The following NKAIN2 variants were observed in gnomAD, a reference collection of about 807,000 sequenced individuals.
NKAIN2 encodes the protein sodium/potassium transporting ATPase interacting 2, also known as sodium/potassium-transporting ATPase subunit beta-1-interacting protein 2.
Under a neutral mutation model 32.6 loss-of-function variants are expected in NKAIN2, and 14 were observed. That is an observed-to-expected ratio of 0.43 (90% CI 0.28 to 0.67). The LOEUF is 0.67. Among genes scored for constraint, NKAIN2 ranks in the 30% least tolerant of loss-of-function variants. The pLI is 0.17. For missense variants in NKAIN2, 198 were observed against 258.3 expected, an observed-to-expected ratio of 0.77 and a Z score of 1.60; for synonymous variants, 80 against 87.2, an observed-to-expected ratio of 0.92 and a Z score of 0.46.
chr6:123,987,187 A>C (rs1779179320), intron 1 of NKAIN2, among the ~76,000 whole-genome samples: 1 of 152,174 alleles, frequency 6.6e-6, no homozygotes, highest in African/African-American at 2.4e-5. Context: ...AGTCTCTTTC[A>C]TATCTAATTT....
At chr6:124,193,944 G>C (rs959994007) in intron 1 of NKAIN2, among the ~76,000 whole-genome samples, 1 of 152,014 alleles carries the variant, frequency 6.6e-6, no homozygotes, top group Non-Finnish European at 1.5e-5. Flanking sequence ...CTCCACAGCT[G>C]GTTGTGTCAT....
chr6:124,466,347 A>G (rs62437479), intron 3 of NKAIN2, among the ~76,000 whole-genome samples: 8,044 of 152,238 alleles, frequency 0.053, 291 homozygotes, highest in Non-Finnish European at 0.065. Context: ...TACTTTTAGC[A>G]TGCAGTCATA....
At chr6:124,155,741 C>A (rs1787952525) in intron 1 of NKAIN2, among the ~76,000 whole-genome samples, 1 of 151,568 alleles carries the variant, frequency 6.6e-6, no homozygotes, top group Admixed American at 6.6e-5. Flanking sequence ...ATTTGGGGAA[C>A]TGACACATGA....
intron 5 of NKAIN2, among the ~76,000 whole-genome samples, chr6:124,797,046 C>T (rs902384474): frequency 3.3e-5 from 5 of 151,874 alleles, no homozygotes; most frequent in Non-Finnish European, 5.9e-5. Context: ...TTCCCCACTG[C>T]AGTTGGATGT....
intron 2 of NKAIN2, among the ~76,000 whole-genome samples, chr6:124,319,734 C>A (rs953312181): frequency 2.0e-5 from 3 of 151,928 alleles, no homozygotes; most frequent in African/African-American, 7.3e-5. Context: ...TTGAATTTGT[C>A]CCCTCAATCT....
chr6:124,207,224 T>C (rs1038791838), intron 1 of NKAIN2, among the ~76,000 whole-genome samples: 4 of 151,322 alleles, frequency 2.6e-5, no homozygotes, highest in Admixed American at 6.6e-5. Context: ...CCCAGTAGTT[T>C]GATGCTACAG....
In NKAIN2 at chr6:124,787,384, G is replaced by A. The variant is rs949336668; in HGVS notation, c.475-3955G>A. The stretch of plus-strand genomic sequence containing the variant: ...TAAGCAGGCAGTACTGCCATGTAAA[G>A]CTTTATATCCAGCTTAGCAACTCAG... On this transcript the variant is annotated intron_variant, in intron 4 of 6. Coordinates refer to ENST00000368417, the MANE Select transcript of NKAIN2 (RefSeq NM_001040214.3). Among the ~76,000 whole-genome samples the A allele has an allele frequency of 2.0e-5, 3 of 152,064 alleles. No individual in the cohort carries two copies. In the East Asian group the frequency reaches 5.8e-4, roughly 29 times the overall value.
intron 1 of NKAIN2, among the ~76,000 whole-genome samples, chr6:123,811,756 T>C (rs1441140777): frequency 6.6e-6 from 1 of 152,146 alleles, no homozygotes; most frequent in South Asian, 2.1e-4. Flanking sequence ...GGGAAGTTTA[T>C]GGCCAATGGC....
intron 3 of NKAIN2, among the ~76,000 whole-genome samples, chr6:124,575,618 C>T (rs1781301277): frequency 1.3e-5 from 2 of 152,180 alleles, no homozygotes; most frequent in Admixed American, 6.5e-5. Flanking sequence ...CATTTTCAGT[C>T]TTGTGCCACC....
At chr6:124,017,920 G>A (rs548092948) in intron 1 of NKAIN2, among the ~76,000 whole-genome samples, 9 of 152,276 alleles carry the variant, frequency 5.9e-5, no homozygotes, top group Admixed American at 2.0e-4. Context: ...ACTAGTCAGT[G>A]CCCCAGTGGG....
intron 1 of NKAIN2, among the ~76,000 whole-genome samples, chr6:124,267,045 C>A (rs1407946444): frequency 2.6e-5 from 4 of 151,700 alleles, no homozygotes; most frequent in Non-Finnish European, 2.9e-5. Flanking sequence ...ACTTTCAACT[C>A]TGGCAAAATA....
intron 1 of NKAIN2, among the ~76,000 whole-genome samples, chr6:123,907,697 C>T (rs1774956235): frequency 6.6e-6 from 1 of 152,056 alleles, no homozygotes; most frequent in South Asian, 2.1e-4. Context: ...CCCACTGCTG[C>T]CCCAGCCCAA....
intron 3 of NKAIN2, among the ~76,000 whole-genome samples, chr6:124,429,232 G>A (rs1000080568): frequency 1.3e-5 from 2 of 150,340 alleles, no homozygotes; most frequent in African/African-American, 4.9e-5. Flanking sequence ...ATTTTTAGTA[G>A]AGACGAGGTT....
intron 3 of NKAIN2, among the ~76,000 whole-genome samples, chr6:124,527,171 A>G (rs1312448779): frequency 6.6e-6 from 1 of 152,168 alleles, no homozygotes; most frequent in Non-Finnish European, 1.5e-5. Context: ...AAATCACTGG[A>G]TGCATAGTCA....
At chr6:124,458,049 C>T (rs1309824639) in intron 3 of NKAIN2, among the ~76,000 whole-genome samples, 1 of 151,932 alleles carries the variant, frequency 6.6e-6, no homozygotes, top group African/African-American at 2.4e-5. Context: ...AGCCTCTAAA[C>T]TGAAACATAA....
At chr6:124,352,539 T>G (rs56869548) in intron 2 of NKAIN2, among the ~76,000 whole-genome samples, 6,325 of 152,276 alleles carry the variant, frequency 0.042, 431 homozygotes, top group African/African-American at 0.14. Context: ...CGACGACAAA[T>G]TTTCAGGAGA....
At chr6:124,391,323 G>A (rs1773132097) in intron 3 of NKAIN2, among the ~76,000 whole-genome samples, 1 of 152,138 alleles carries the variant, frequency 6.6e-6, no homozygotes, top group Non-Finnish European at 1.5e-5. Flanking sequence ...GGGGTTAGCA[G>A]GTGTCTGTAA....
intron 2 of NKAIN2, among the ~76,000 whole-genome samples, chr6:124,330,146 G>C (rs1797596745): frequency 6.6e-6 from 1 of 152,190 alleles, no homozygotes; most frequent in South Asian, 2.1e-4. Context: ...TGCATATTAA[G>C]AGTTTCAGTG....
chr6:123,920,250 A>G (rs1775687729), intron 1 of NKAIN2, among the ~76,000 whole-genome samples: 1 of 152,142 alleles, frequency 6.6e-6, no homozygotes, highest in Non-Finnish European at 1.5e-5. Flanking sequence ...AACGCTGGCA[A>G]AATAAGCACT....
Sources: gnomAD v4.1 joint callset for allele counts (sites outside exome capture counted in the v4.1 genomes callset) on GRCh38, gnomAD v4.1.1 for gene constraint, MANE v1.5 for transcripts, NCBI Gene and HGNC (gene_info 2026-07-23, HGNC 2026-07-21) for gene names.